RP1: variants seen among roughly 807,000 people sequenced by gnomAD.
RP1 encodes RP1 axonemal microtubule associated, also known as oxygen-regulated protein 1.
Under a neutral mutation model 14.8 loss-of-function variants are expected in RP1, and 16 were observed. The observed-to-expected ratio is 1.08, with a 90% CI of 0.73 to 1.65. RP1 has a LOEUF of 1.65. Among genes scored for constraint, RP1 ranks in the 40% most tolerant of loss-of-function variants. The pLI is 0.00. For missense variants in RP1, 2,631 were observed against 2,535.0 expected, an observed-to-expected ratio of 1.04 and a Z score of -0.81; for synonymous variants, 876 against 883.6, an observed-to-expected ratio of 0.99 and a Z score of 0.15.
intron 5 of RP1, among the ~76,000 whole-genome samples, chr8:54,653,953 C>A (rs1409688084): frequency 6.6e-6 from 1 of 152,056 alleles, no homozygotes; most frequent in Non-Finnish European, 1.5e-5. Flanking sequence ...TCATTATGAA[C>A]TTGGGATGCT....
At chr8:54,619,936 G>C (rs1389878726) in intron 1 of RP1, among the ~76,000 whole-genome samples, 1 of 152,050 alleles carries the variant, frequency 6.6e-6, no homozygotes, top group Non-Finnish European at 1.5e-5. Context: ...AACATTTCCT[G>C]TTTCTCCCAT....
At chr8:54,792,523 T>G (rs1055158993) in intron 24 of RP1, among the ~76,000 whole-genome samples, 4 of 151,876 alleles carry the variant, frequency 2.6e-5, no homozygotes, top group Admixed American at 2.0e-4. Context: ...CTCACTACAA[T>G]AGTATGAAAC....
chr8:54,673,975 T>C, intron 8 of RP1: 1 of 1,394,268 alleles, frequency 7.2e-7, no homozygotes, highest in Non-Finnish European at 9.8e-7. Context: ...TTCCATTCTG[T>C]TTATATGAAA....
At position 54,584,598 on chromosome 8, in the gene RP1, G is replaced by T. The variant is rs560723172; in HGVS notation, c.-13+25278G>T. 1.6e-4 allele frequency among the ~76,000 whole-genome samples: 25 copies of T among 152,222 alleles called. No individual in the cohort carries two copies. The South Asian group carries it at 5.0e-3, about 30-fold the overall frequency. The stretch of plus-strand genomic sequence containing the variant: ...GTTGATCTGTCTGATGTTGACAGTG[G>T]GGTGTTAAAGTCTCCCGTTATTATT... On this transcript the variant is annotated intron_variant, in intron 1 of 22. Coordinates refer to the RP1 transcript ENST00000636932.
intron 1 of RP1, among the ~76,000 whole-genome samples, chr8:54,598,949 A>T (rs559973326): frequency 1.3e-5 from 2 of 152,114 alleles, no homozygotes; most frequent in Non-Finnish European, 2.9e-5. Flanking sequence ...GTCTTAGTGT[A>T]AATTTCTTTG....
At chr8:54,711,893 G>C (rs948599769) in intron 15 of RP1, among the ~76,000 whole-genome samples, 2 of 152,054 alleles carry the variant, frequency 1.3e-5, no homozygotes, top group African/African-American at 4.8e-5. Flanking sequence ...AGCTCAGGAG[G>C]CTTAAGAAAT....
chr8:54,758,476 G>A (rs1357986806), intron 21 of RP1, among the ~76,000 whole-genome samples: 2 of 151,032 alleles, frequency 1.3e-5, no homozygotes, highest in Non-Finnish European at 3.0e-5. Context: ...GAGGGAGGGA[G>A]GGAAGGAGGG....
At chr8:54,562,152 A>G (rs1034401976) in intron 1 of RP1, among the ~76,000 whole-genome samples, 1 of 152,258 alleles carries the variant, frequency 6.6e-6, no homozygotes, top group African/African-American at 2.4e-5. Context: ...CAGCTTTGCT[A>G]TTACTCAAAT....
At chr8:54,673,789 T>C in intron 7 of RP1, 1 of 1,326,350 alleles carries the variant, frequency 7.5e-7, no homozygotes, top group Non-Finnish European at 1.0e-6. Context: ...TCTTAATTTA[T>C]ACTATTGGTA....
intron 24 of RP1, among the ~76,000 whole-genome samples, chr8:54,831,883 T>A (rs536894718): frequency 1.3e-4 from 20 of 151,888 alleles, no homozygotes; most frequent in Admixed American, 1.0e-3. Flanking sequence ...GAAAAGATGT[T>A]CATTTTACCT....
At chr8:54,668,983 C>T (rs1330878636) in intron 7 of RP1, among the ~76,000 whole-genome samples, 2 of 152,056 alleles carry the variant, frequency 1.3e-5, no homozygotes, top group East Asian at 1.9e-4. Context: ...GACTTCATGA[C>T]ATAAACAGAA....
intron 24 of RP1, among the ~76,000 whole-genome samples, chr8:54,799,438 C>T (rs1168024981): frequency 6.6e-6 from 1 of 151,964 alleles, no homozygotes; most frequent in Non-Finnish European, 1.5e-5. Context: ...TATTATCCTA[C>T]CTGGCAGCCT....
At chr8:54,728,138 T>G (rs1808703392) in intron 17 of RP1, among the ~76,000 whole-genome samples, 1 of 152,096 alleles carries the variant, frequency 6.6e-6, no homozygotes. Context: ...CTGATTGCAG[T>G]GGGAGTGGTT....
intron 1 of RP1, among the ~76,000 whole-genome samples, chr8:54,569,457 T>C (rs985277204): frequency 2.6e-5 from 4 of 152,202 alleles, no homozygotes; most frequent in African/African-American, 9.6e-5. Flanking sequence ...GAATGGGCCA[T>C]ATTGGCTTGA....
intron 7 of RP1, among the ~76,000 whole-genome samples, chr8:54,670,538 T>C (rs1367764866): frequency 3.2e-5 from 4 of 123,808 alleles, no homozygotes; most frequent in Non-Finnish European, 5.1e-5. Flanking sequence ...TATATACATA[T>C]ATATGTATGT....
intron 15 of RP1, chr8:54,720,012 A>G: frequency 3.5e-6 from 3 of 849,230 alleles, no homozygotes; most frequent in Non-Finnish European, 5.2e-6. Flanking sequence ...AAAAGGCTCT[A>G]GATTTATCAT....
At chr8:54,823,639 T>C (rs58662174) in intron 24 of RP1, among the ~76,000 whole-genome samples, 47,965 of 152,116 alleles carry the variant, frequency 0.32, 7,731 homozygotes, top group South Asian at 0.37. Flanking sequence ...CAGTTTGCTT[T>C]TTTTTATTGC....
At chr8:54,619,584 A>C (rs757461515) in intron 1 of RP1, among the ~76,000 whole-genome samples, 2 of 152,252 alleles carry the variant, frequency 1.3e-5, no homozygotes, top group African/African-American at 2.4e-5. Flanking sequence ...TTCACTGAGA[A>C]GTGGAAAAGG....
intron 1 of RP1, among the ~76,000 whole-genome samples, chr8:54,606,478 T>C (rs1294451352): frequency 6.6e-6 from 1 of 152,154 alleles, no homozygotes; most frequent in African/African-American, 2.4e-5. Context: ...CCTTAACATT[T>C]ATTCCTTCAT....
Sources: allele counts gnomAD v4.1 joint callset (sites outside exome capture counted in the v4.1 genomes callset), GRCh38; gene constraint gnomAD v4.1.1; transcripts MANE v1.5; gene names NCBI Gene and HGNC (gene_info 2026-07-23, HGNC 2026-07-21).